Variants in RALYL observed in about 807,000 individuals in gnomAD.
RALYL encodes the protein RNA-binding Raly-like protein.
Under a neutral mutation model 35.1 loss-of-function variants are expected in RALYL, and 29 were observed. The ratio of observed to expected loss-of-function variants is 0.83; its 90% CI spans 0.61 to 1.13. The LOEUF is 1.13. RALYL is among the 50% of genes most tolerant of loss of function. The pLI, the probability that RALYL is intolerant of heterozygous loss-of-function variation, is 0.00. For missense variants in RALYL, 359 were observed against 360.4 expected (o/e 1.00, Z 0.03); for synonymous variants, 120 against 127.6 (o/e 0.94, Z 0.40).
chr8:84,466,697 A>G lies in RALYL; in HGVS notation c.-23-62602A>G, dbSNP rs1468587930. Among the ~76,000 whole-genome samples, 21 of 151,838 alleles carry G rather than the reference A, an allele frequency of 1.4e-4. No individual in the cohort carries two copies. In the East Asian group the frequency reaches 2.7e-3, roughly 20 times the overall value. ...AGGATTCCCTCTTTTTCTATTGATT[A>G]GAATAGTTTCAGAAGGAATGGTACC... On this transcript the variant is annotated intron_variant, in intron 1 of 8. Transcript: ENST00000521268.
intron 2 of RALYL, among the ~76,000 whole-genome samples, chr8:84,566,290 T>C (rs905849247): frequency 1.3e-5 from 2 of 151,528 alleles, no homozygotes; most frequent in Non-Finnish European, 3.0e-5. Flanking sequence ...ATGACAAATA[T>C]ACAAACAAAT....
At chr8:84,724,281 A>G (rs1844537407) in intron 2 of RALYL, among the ~76,000 whole-genome samples, 1 of 151,798 alleles carries the variant, frequency 6.6e-6, no homozygotes, top group Admixed American at 6.6e-5. Context: ...AGTAGTCTTC[A>G]TTCACAATTT....
intron 1 of RALYL, among the ~76,000 whole-genome samples, chr8:84,425,783 C>CTGTGTGTG (rs1554662152): frequency 1.4e-3 from 201 of 144,590 alleles, no homozygotes; most frequent in African/African-American, 4.4e-3. Context: ...AGTTTTTCTT[C>CTGTGTGTG]TGTGTGTGTG....
intron 3 of RALYL, among the ~76,000 whole-genome samples, chr8:84,775,058 T>A (rs1295403386): frequency 6.6e-6 from 1 of 152,180 alleles, no homozygotes; most frequent in Non-Finnish European, 1.5e-5. Flanking sequence ...CAAGCGATTC[T>A]CCTGCCTCAG....
In RALYL at chr8:84,710,355, C is replaced by T. The variant is rs374220459; in HGVS notation, c.257-64224C>T. ...ACTCTGTCACCAAGCTGGAGTGCAG[C>T]GGTACAATCTCAGCTCACTGCACTG... On this transcript the variant is annotated intron_variant, in intron 2 of 8. Transcript: ENST00000521268. Among the ~76,000 whole-genome samples the T allele has an allele frequency of 7.2e-5, 11 of 152,104 alleles. No individual in the cohort carries two copies. The East Asian group carries it at 9.7e-4, about 13-fold the overall frequency.
intron 1 of RALYL, among the ~76,000 whole-genome samples, chr8:84,463,634 T>C (rs760677934): frequency 7.2e-5 from 11 of 152,112 alleles, no homozygotes; most frequent in Admixed American, 1.3e-4. Context: ...ATTTAACTTC[T>C]TTAAGCTTAT....
At chr8:84,682,993 C>T (rs1008626965) in intron 2 of RALYL, among the ~76,000 whole-genome samples, 1 of 152,158 alleles carries the variant, frequency 6.6e-6, no homozygotes, top group South Asian at 2.1e-4. Context: ...CTATAAATTT[C>T]CCTCTACACA....
At chr8:84,574,721 G>A (rs1808900738) in intron 2 of RALYL, among the ~76,000 whole-genome samples, 1 of 152,010 alleles carries the variant, frequency 6.6e-6, no homozygotes, top group Non-Finnish European at 1.5e-5. Flanking sequence ...TGTAGACAAT[G>A]TATGTAGTTA....
intron 2 of RALYL, among the ~76,000 whole-genome samples, chr8:84,537,549 A>C (rs1291819684): frequency 3.3e-5 from 5 of 152,122 alleles, no homozygotes; most frequent in Admixed American, 1.3e-4. Flanking sequence ...GGGAGTGTGA[A>C]AAATTACTTA....
intron 2 of RALYL, among the ~76,000 whole-genome samples, chr8:84,702,181 T>C (rs1450361484): frequency 6.6e-6 from 1 of 152,182 alleles, no homozygotes; most frequent in Non-Finnish European, 1.5e-5. Flanking sequence ...TTTTAGCTCT[T>C]TTTAAATCAC....
chr8:84,743,241 C>T (rs1807791731), intron 2 of RALYL, among the ~76,000 whole-genome samples: 1 of 151,910 alleles, frequency 6.6e-6, no homozygotes, highest in South Asian at 2.1e-4. Context: ...GATTCCCTGA[C>T]ACAGGATAAA....
intron 1 of RALYL, among the ~76,000 whole-genome samples, chr8:84,313,364 T>A (rs773658241): frequency 1.3e-5 from 2 of 152,242 alleles, no homozygotes; most frequent in Admixed American, 1.3e-4. Context: ...TCATTACTTA[T>A]GCAAATTTCT....
At chr8:84,809,323 G>A (rs952109293) in intron 4 of RALYL, among the ~76,000 whole-genome samples, 32 of 152,138 alleles carry the variant, frequency 2.1e-4, no homozygotes, top group African/African-American at 7.5e-4. Context: ...TGCATCCCTG[G>A]TATGAAACTT....
intron 1 of RALYL, among the ~76,000 whole-genome samples, chr8:84,524,327 GC>G (rs2058712365): frequency 6.6e-6 from 1 of 152,140 alleles, no homozygotes; most frequent in Non-Finnish European, 1.5e-5. Context: ...AGACATTTAT[GC>G]AGCCAAAAAA....
intron 1 of RALYL, among the ~76,000 whole-genome samples, chr8:84,334,415 C>A (rs144904014): frequency 0.019 from 2,824 of 151,606 alleles, 74 homozygotes; most frequent in Non-Finnish European, 0.024. Context: ...AAATTTAGAG[C>A]AAATTACAAA....
In RALYL at chr8:84,570,609, A is replaced by G. The variant is rs184922585; in HGVS notation, c.256+41032A>G. On this transcript the variant is annotated intron_variant, in intron 2 of 8. Transcript: ENST00000521268. ...CTGATCTCTCTGGCTAGAACTTCCA[A>G]TACTATGTTGAATAGGAGTGAGGAG... 6.6e-4 allele frequency among the ~76,000 whole-genome samples: 101 copies of G among 151,964 alleles called. 1 individual carries two copies. The highest frequency in any genetic ancestry group is 2.6e-3 in the Admixed American group (40 of 15,208).
chr8:84,760,391 A>G (rs1812409613), intron 2 of RALYL, among the ~76,000 whole-genome samples: 2 of 152,054 alleles, frequency 1.3e-5, no homozygotes, highest in African/African-American at 4.8e-5. Flanking sequence ...GAGCTGTGAT[A>G]TTCTACCAAT....
At chr8:84,889,199 A>G (rs1843407867) in intron 8 of RALYL, among the ~76,000 whole-genome samples, 1 of 152,170 alleles carries the variant, frequency 6.6e-6, no homozygotes, top group Non-Finnish European at 1.5e-5. Context: ...AGAACAAACA[A>G]ATGTCCCAGC....
chr8:84,600,942 T>A (rs1303003185), intron 2 of RALYL, among the ~76,000 whole-genome samples: 1 of 152,082 alleles, frequency 6.6e-6, no homozygotes, highest in Non-Finnish European at 1.5e-5. Context: ...AATAACTGAA[T>A]TAAGTTAAAC....
Sources: allele counts gnomAD v4.1 joint callset (sites outside exome capture counted in the v4.1 genomes callset), GRCh38; gene constraint gnomAD v4.1.1; transcripts MANE v1.5; gene names NCBI Gene and HGNC (gene_info 2026-07-23, HGNC 2026-07-21).